The following TOMM20 variants were observed in gnomAD, a reference collection of about 807,000 sequenced individuals.
TOMM20 encodes mitochondrial import receptor subunit TOM20 homolog.
TOMM20 carries 10 observed loss-of-function variants against 22.1 expected under a neutral mutation model. That is an observed-to-expected ratio of 0.45 (90% CI 0.28 to 0.77). The LOEUF is 0.77. Ranked by LOEUF, TOMM20 falls within the 30% of genes least tolerant of loss-of-function variation. The pLI, the probability that TOMM20 is intolerant of heterozygous loss-of-function variation, is 0.13. For missense variants in TOMM20, 121 were observed against 172.2 expected (o/e 0.70, Z 1.66); for synonymous variants, 55 against 61.4 (o/e 0.90, Z 0.49).
At chr1:235,122,446 G>T in intron 1 of TOMM20, 74 bp from the exon 2 acceptor site, 2 of 1,380,206 alleles carry the variant, frequency 1.4e-6, no homozygotes, top group Non-Finnish European at 2.0e-6. Flanking sequence ...TAACTGCTGT[G>T]GCAGTCATTA....
At chr1:235,116,473 A>C (rs934671921) in intron 3 of TOMM20, among the ~76,000 whole-genome samples, 16 of 151,976 alleles carry the variant, frequency 1.1e-4, no homozygotes, top group Non-Finnish European at 1.5e-5. Flanking sequence ...TGGAAGACGG[A>C]AGTTGCAGTG....
In TOMM20 at chr1:235,111,329, T is replaced by G. The variant is rs1385306199; in HGVS notation, c.*735A>C. 1 of 152,254 alleles carries G rather than the reference T, an allele frequency of 6.6e-6. No homozygotes were observed. Among genetic ancestry groups the G allele is most frequent in the African/African-American group, 2.4e-5 (1 of 41,468 alleles). 9.4% of individuals were successfully genotyped at this position (152,254 alleles called of 1,614,324 possible). A position where few individuals can be genotyped will look rare whatever the true frequency, so the allele number is the denominator to read the frequency against. ...TTCAGTGATCAGCAGACGCATTCTC[T>G]CACGTAACAAATGGAGGGAAAGTGA... On this transcript the variant is annotated 3_prime_UTR_variant, in exon 5 of 5. Transcript: ENST00000366607.
intron 1 of TOMM20, among the ~76,000 whole-genome samples, chr1:235,123,902 G>A (rs1269022128): frequency 6.6e-6 from 1 of 152,224 alleles, no homozygotes; most frequent in South Asian, 2.1e-4. Context: ...GTACTGGAGG[G>A]AGCGTAGCAA....
chr1:235,128,514 T>C, intron 1 of TOMM20, 81 bp downstream of exon 1: 1 of 1,599,456 alleles, frequency 6.3e-7, no homozygotes. Flanking sequence ...GCCCACAGGC[T>C]GGTGGGAGGC....
intron 2 of TOMM20, 39 bp from the exon 3 acceptor site, chr1:235,119,938 G>A (rs1015158151): frequency 5.1e-6 from 7 of 1,376,888 alleles, no homozygotes; most frequent in African/African-American, 1.4e-5. Flanking sequence ...CCACAATTAT[G>A]CCAGGGGATA....
rs1572131737 is a variant in TOMM20 at position 235,124,988 on chromosome 1, A to C, written c.122-2616T>G. ...TAAATAAGATGCTTAATATATTTTTAATGTGTCATTTTATCCGTCCCATAT... is the reference window on the plus strand; with the variant it reads ...TAAATAAGATGCTTAATATATTTTTCATGTGTCATTTTATCCGTCCCATAT... On this transcript the variant is annotated intron_variant, in intron 1 of 4. Transcript: ENST00000366607. Among the ~76,000 whole-genome samples the C allele has an allele frequency of 2.6e-5, 4 of 152,240 alleles. No homozygotes were observed. In the East Asian group the frequency reaches 7.7e-4, roughly 29 times the overall value.
chr1:235,115,362 G>A (rs2102808203), intron 3 of TOMM20, among the ~76,000 whole-genome samples: 1 of 152,228 alleles, frequency 6.6e-6, no homozygotes, highest in South Asian at 2.1e-4. Flanking sequence ...GGGAGCAGTG[G>A]CTCATGCCTG....
intron 4 of TOMM20, among the ~76,000 whole-genome samples, chr1:235,112,631 A>G (rs1441811951): frequency 6.6e-6 from 1 of 152,200 alleles, no homozygotes; most frequent in Non-Finnish European, 1.5e-5. Flanking sequence ...CCATCATTAC[A>G]TAATATTACA....
chr1:235,115,922 T>G (rs1451130465), intron 3 of TOMM20, among the ~76,000 whole-genome samples: 1 of 152,222 alleles, frequency 6.6e-6, no homozygotes, highest in African/African-American at 2.4e-5. Flanking sequence ...ACCCACTACA[T>G]GTACATGTGT....
At chr1:235,128,366 G>A (rs1237786615) in intron 1 of TOMM20, among the ~76,000 whole-genome samples, 1 of 152,230 alleles carries the variant, frequency 6.6e-6, no homozygotes, top group Admixed American at 6.5e-5. Flanking sequence ...GCATTTGCAC[G>A]GCTAAAGTGT....
At chr1:235,119,928 C>T (rs1477217698) in intron 2 of TOMM20, 29 bp from the exon 3 acceptor site, 16 of 1,463,742 alleles carry the variant, frequency 1.1e-5, no homozygotes, top group Non-Finnish European at 1.4e-5. Context: ...ATAAATGACA[C>T]CACAATTATG....
intron 1 of TOMM20, 132 bp downstream of exon 1, chr1:235,128,463 C>A: frequency 7.1e-7 from 1 of 1,402,766 alleles, no homozygotes; most frequent in South Asian, 1.3e-5. Flanking sequence ...CAGCCAGCGC[C>A]ATCGCCTATT....
chr1:235,112,371 T>C (rs1558127489), intron 4 of TOMM20, among the ~76,000 whole-genome samples: 1 of 152,086 alleles, frequency 6.6e-6, no homozygotes. Flanking sequence ...TCAGATGGGG[T>C]CTCTGTAACC....
chr1:235,122,191 T>C (rs1660941432), intron 2 of TOMM20, 135 bp downstream of exon 2: 1 of 646,020 alleles, frequency 1.5e-6, no homozygotes, highest in Non-Finnish European at 2.4e-6. Context: ...AAAAATAAGC[T>C]GTATTTTAAA....
chr1:235,120,897 T>C (rs1660920536), intron 2 of TOMM20, among the ~76,000 whole-genome samples: 1 of 150,596 alleles, frequency 6.6e-6, no homozygotes, highest in African/African-American at 2.4e-5. Context: ...AGGCCATTTT[T>C]ATTTGAAAAC....
Position 235,127,836 on chromosome 1 carries a change from G to C in TOMM20, c.121+759C>G, listed in dbSNP as rs188979516. The C allele has an allele frequency of 1.2e-4, 64 of 519,000 alleles. No homozygotes were observed. In the Admixed American group the frequency reaches 1.2e-3, roughly 10 times the overall value. The allele number at this position is 519,000 out of a possible 1,614,324, so 32.1% of individuals were successfully genotyped here. On this transcript the variant is annotated intron_variant, in intron 1 of 4. Coordinates refer to ENST00000366607, the MANE Select transcript of TOMM20 (RefSeq NM_014765.3). ...CAGGTATGAAATAAGACTGAGCCAC[G>C]GGAGAAGCGCAGCCCTTTGGACTCC...
chr1:235,114,421 T>G (rs1003760395), intron 3 of TOMM20, among the ~76,000 whole-genome samples: 1 of 148,642 alleles, frequency 6.7e-6, no homozygotes, highest in Admixed American at 6.8e-5. Flanking sequence ...TAACTCTGAG[T>G]GGGAGGGCTT....
intron 3 of TOMM20, among the ~76,000 whole-genome samples, chr1:235,116,139 G>T (rs1660823086): frequency 6.6e-6 from 1 of 152,166 alleles, no homozygotes; most frequent in African/African-American, 2.4e-5. Context: ...GGGAACGGCG[G>T]CTCACACCTG....
chr1:235,127,091 G>A (rs1035664154), intron 1 of TOMM20, among the ~76,000 whole-genome samples: 2 of 152,154 alleles, frequency 1.3e-5, no homozygotes, highest in African/African-American at 2.4e-5. Flanking sequence ...GGTTTCCAAC[G>A]GAAGATAGGG....
Sources: gnomAD v4.1 joint callset for allele counts (sites outside exome capture counted in the v4.1 genomes callset) on GRCh38, gnomAD v4.1.1 for gene constraint, MANE v1.5 for transcripts, NCBI Gene and HGNC (gene_info 2026-07-23, HGNC 2026-07-21) for gene names.